KRT9: variants seen among roughly 807,000 people sequenced by gnomAD.
KRT9 encodes the protein keratin, type I cytoskeletal 9.
KRT9 carries 34 observed loss-of-function variants against 51.4 expected under a neutral mutation model. The ratio of observed to expected loss-of-function variants is 0.66; its 90% CI spans 0.50 to 0.88. KRT9 has a LOEUF of 0.88. Ranked by LOEUF, KRT9 falls within the 40% of genes least tolerant of loss-of-function variation. The probability of loss-of-function intolerance (pLI) is 0.00; values close to 1 mark genes in which losing one functional copy is unlikely to be tolerated. For missense variants in KRT9, 753 were observed against 790.3 expected (o/e 0.95, Z 0.57); for synonymous variants, 292 against 289.7 (o/e 1.01, Z -0.08).
rs778678852 is a variant in KRT9, at chr17:41,571,817, C to T, written c.176G>A (p.Arg59His). ...GCCACCGCCTCCCCTCCCACAGACA[C>T]GAGAGCTTCCCCCACCATAGCCACT... ...SSSGYGGGSS[R>H]VCGRGGGGSF... is the part of the protein sequence containing the mutation. The change falls in exon 1 of 8, where the codon CGT becomes CAT. Residue 59 changes from arginine to histidine, a missense_variant. Arg to His is a conservative substitution (Grantham distance 29). Coordinates refer to ENST00000246662, the MANE Select transcript of KRT9 (RefSeq NM_000226.4). 12 of 1,613,154 alleles carry T rather than the reference C, an allele frequency of 7.4e-6. No individual in the cohort carries two copies. Among genetic ancestry groups the T allele is most frequent in the African/African-American group, 4.0e-5 (3 of 74,836 alleles).
chr17:41,571,001 T>C (rs1466813374), intron 1 of KRT9, among the ~76,000 whole-genome samples: 11 of 152,122 alleles, frequency 7.2e-5, no homozygotes, highest in Non-Finnish European at 1.6e-4. Context: ...GATACACTCC[T>C]AAAGAAGCCC....
chr17:41,566,461 C>A (rs779561200), intron 7 of KRT9, among the ~76,000 whole-genome samples: 39 of 152,114 alleles, frequency 2.6e-4, no homozygotes, highest in Admixed American at 1.3e-3. Flanking sequence ...AAAGATGGCC[C>A]CAGCCTCACT....
chr17:41,568,325 T>C lies in KRT9; in HGVS notation c.1231A>G (p.Met411Val). ...TKNRYCGQLQMIQEQISNLEA... is the reference protein window; with the variant it reads ...TKNRYCGQLQVIQEQISNLEA... ...AAGTTACTGATCTGCTCCTGGATCA[T>C]CTGCAGCTGGCCACAGTAGCGGTTC... The change falls in exon 6 of 8, where the codon ATG becomes GTG. Residue 411 changes from methionine (M) to valine (V), a missense_variant. Met to Val is a conservative substitution (Grantham distance 21). Coordinates refer to ENST00000246662, the MANE Select transcript of KRT9 (RefSeq NM_000226.4). The C allele has an allele frequency of 3.7e-6, 6 of 1,614,200 alleles. No homozygotes were observed. Among genetic ancestry groups the C allele is most frequent in the Non-Finnish European group, 5.1e-6 (6 of 1,180,034 alleles).
At position 41,568,351 on chromosome 17, in the gene KRT9, T is replaced by A; in HGVS notation, c.1205A>T (p.Lys402Met). The A allele has an allele frequency of 8.1e-6, 13 of 1,614,196 alleles. No homozygotes were observed. Among genetic ancestry groups the A allele is most frequent in the Non-Finnish European group, 1.1e-5 (13 of 1,180,022 alleles). ...CTGCAGCTGGCCACAGTAGCGGTTC[T>A]TCGTGTCTTCCAAGCTCTTCTCCAG... ...AALEKSLEDT[K>M]NRYCGQLQMI... is the part of the protein sequence containing the mutation. Residue 402 changes from lysine (K) to methionine (M), a missense_variant, in exon 6 of 8, where the codon AAG (lysine) becomes ATG (methionine). Physicochemically the swap from Lys to Met is moderately conservative, Grantham distance 95. Around this residue, in one of 3 missense-constraint regions of KRT9, gnomAD observed 507 missense variants for 563.7 expected, o/e 0.90. Transcript: ENST00000246662.
rs1198519477 is a variant in KRT9, at chr17:41,567,640, C to T, written c.1505G>A (p.Ser502Asn). ...GSGGSYGGGGSGGGYGGGSGS... is the reference protein window; with the variant it reads ...GSGGSYGGGGNGGGYGGGSGS... ...ACTTCCTCCACCATAGCCACCTCCACTTCCTCCTCCACCATAGCTGCCTCC... is the reference window on the plus strand; with the variant it reads ...ACTTCCTCCACCATAGCCACCTCCATTTCCTCCTCCACCATAGCTGCCTCC... Residue 502 changes from serine to asparagine, a missense_variant, in exon 7 of 8, where the codon AGT becomes AAT. Physicochemically the swap from Ser to Asn is conservative, Grantham distance 46. Transcript: ENST00000246662. 2 of 1,596,294 alleles carry T rather than the reference C, an allele frequency of 1.3e-6. No individual in the cohort carries two copies. The highest frequency in any genetic ancestry group is 1.8e-5 in the Admixed American group (1 of 56,098).
chr17:41,569,437 A>G lies in KRT9; in HGVS notation c.1033T>C (p.Tyr345His). 1.9e-6 allele frequency: 3 copies of G among 1,614,064 alleles called. No individual in the cohort carries two copies. In the South Asian group the frequency reaches 3.3e-5, roughly 18 times the overall value. The change falls in exon 4 of 8, where the codon TAT (tyrosine) becomes CAT (histidine). Residue 345 changes from tyrosine to histidine, a missense_variant. Coordinates refer to ENST00000246662, the MANE Select transcript of KRT9 (RefSeq NM_000226.4). ...CCCACTCTGCTCACCTGAGTCTCATATTGATTCTCGATGTCCTTTCTGTTC... is the reference window on the plus strand; with the variant it reads ...CCCACTCTGCTCACCTGAGTCTCATGTTGATTCTCGATGTCCTTTCTGTTC... ...AKNRKDIENQ[Y>H]ETQITQIEHE...
In KRT9 at chr17:41,567,502, C is replaced by A. The variant is rs1482411587; in HGVS notation, c.1643G>T (p.Gly548Val). ...GCCCCCACTTCCTCCACTATGACCA[C>A]CTCCACTTCCTCCGCTATGGCCACC... ...SGGGHSGGSG[G>V]GHSGGSGGNY... The change falls in exon 7 of 8, where the codon GGT becomes GTT. Residue 548 changes from glycine to valine, a missense_variant. Transcript: ENST00000246662. 1 of 1,551,132 alleles carries A rather than the reference C, an allele frequency of 6.4e-7. No individual in the cohort carries two copies. Among genetic ancestry groups the A allele is most frequent in the African/African-American group, 1.4e-5 (1 of 72,746 alleles).
At chr17:41,570,043 A>T (rs1405209802) in intron 2 of KRT9, 28 bp from the exon 3 acceptor site, 2 of 1,614,172 alleles carry the variant, frequency 1.2e-6, no homozygotes, top group African/African-American at 2.7e-5. Flanking sequence ...TTAGAAAACA[A>T]TCAAGAGGGA....
At position 41,569,885 on chromosome 17, in the gene KRT9, T is replaced by A. The variant is rs941501212; in HGVS notation, c.856A>T (p.Met286Leu). The A allele has an allele frequency of 5.0e-6, 8 of 1,614,174 alleles. No individual in the cohort carries two copies. Among genetic ancestry groups the A allele is most frequent in the African/African-American group, 1.3e-5 (1 of 75,050 alleles). Residue 286 changes from methionine to leucine, a missense_variant, in exon 3 of 8, where the codon ATG becomes TTG. Around this residue, in one of 3 missense-constraint regions of KRT9, gnomAD observed 507 missense variants for 563.7 expected, o/e 0.90. Coordinates refer to ENST00000246662, the MANE Select transcript of KRT9 (RefSeq NM_000226.4). ...MQYETLQEEL[M>L]ALKKNHKEEM... Reference sequence around the variant, plus strand: ...TCCTTATGATTCTTCTTGAGGGCCATCAGCTCCTCCTGCAGAGTCTCATAC... The same window carrying A: ...TCCTTATGATTCTTCTTGAGGGCCAACAGCTCCTCCTGCAGAGTCTCATAC...
intron 4 of KRT9, 31 bp downstream of exon 4, chr17:41,569,395 G>T (rs771085318): frequency 6.2e-7 from 1 of 1,607,434 alleles, no homozygotes. Context: ...ATGGAGGGGA[G>T]GAGGATGAAT....
chr17:41,569,797 C>T (rs1907012639), intron 3 of KRT9, 62 bp downstream of exon 3: 8 of 1,601,034 alleles, frequency 5.0e-6, no homozygotes, highest in Middle Eastern at 3.3e-4. Context: ...CAAAGCTCCC[C>T]TGCTGTCTCT....
chr17:41,567,308 A>G lies in KRT9; in HGVS notation c.1837T>C (p.Tyr613His). The change falls in exon 7 of 8, where the codon TAC becomes CAC. Residue 613 changes from tyrosine to histidine, a missense_variant. Coordinates refer to ENST00000246662, the MANE Select transcript of KRT9 (RefSeq NM_000226.4). ...GATGATTTTCCGCTTCCTCCTCCGT[A>G]GCCGCCACCACTTCCACTCGCTTCT... ...GEEASGSGGG[Y>H]GGGSGKSSHS The G allele has an allele frequency of 6.2e-7, 1 of 1,614,068 alleles. No individual in the cohort carries two copies. Among genetic ancestry groups the G allele is most frequent in the Non-Finnish European group, 8.5e-7 (1 of 1,180,016 alleles).
chr17:41,569,978 C>A lies in KRT9; in HGVS notation c.763G>T (p.Ala255Ser), dbSNP rs1025907896. The A allele has an allele frequency of 5.6e-6, 9 of 1,614,122 alleles. No homozygotes were observed. Among genetic ancestry groups the A allele is most frequent in the Admixed American group, 3.3e-5 (2 of 60,016 alleles). Reference sequence around the variant, plus strand: ...ACCTGCCGCAGGCCATTGATGTCAGCATCCACTCCTTGCCGCAGGTTTTGC... The same window carrying A: ...ACCTGCCGCAGGCCATTGATGTCAGAATCCACTCCTTGCCGCAGGTTTTGC... ...MEQNLRQGVD[A>S]DINGLRQVLD... The change falls in exon 3 of 8, where the codon GCT (alanine) becomes TCT (serine). Residue 255 changes from alanine to serine, a missense_variant. Physicochemically the swap from Ala to Ser is moderately conservative, Grantham distance 99 (BLOSUM62 1). Coordinates refer to ENST00000246662, the MANE Select transcript of KRT9 (RefSeq NM_000226.4).
intron 3 of KRT9, 94 bp downstream of exon 3, chr17:41,569,765 G>T: frequency 6.5e-7 from 1 of 1,527,248 alleles, no homozygotes; most frequent in Non-Finnish European, 9.1e-7. Flanking sequence ...GCAAAGGAGA[G>T]GGTGTCTCCC....
At position 41,567,339 on chromosome 17, in the gene KRT9, G is replaced by A. The variant is rs779996817; in HGVS notation, c.1806C>T (p.Gly602=). The A allele has an allele frequency of 5.1e-5, 83 of 1,613,612 alleles. No homozygotes were observed. The highest frequency in any genetic ancestry group is 3.3e-4 in the Middle Eastern group (2 of 6,084). Residue 602 remains glycine (G), a synonymous_variant, in exon 7 of 8, where the codon GGC becomes GGT. Coordinates refer to ENST00000246662, the MANE Select transcript of KRT9 (RefSeq NM_000226.4). ...CACCACTTCCACTCGCTTCTTCACC[G>A]CCTCCGTAGCTGCCTCCACTTTCAC... ...FGGESGGSYG[G]GEEASGSGGG...
chr17:41,570,319 GA>G (rs1333935677), intron 1 of KRT9, 99 bp from the exon 2 acceptor site: 2 of 1,010,762 alleles, frequency 2.0e-6, no homozygotes, highest in Admixed American at 3.4e-5. Flanking sequence ...TTCCATCCAG[GA>G]AGATTCTCAA....
Position 41,571,375 on chromosome 17 carries a change from G to A in KRT9, c.618C>T (p.Asn206=), listed in dbSNP as rs1292526578. Residue 206 remains asparagine, a synonymous_variant, in exon 1 of 8, where the codon AAC becomes AAT. Transcript: ENST00000246662. ...AIQKNYSPYY[N]TIDDLKDQIV... ...CCTGGTCCTTGAGATCATCAATAGT[G>A]TTATAATAAGGGGAGTAGTTCTTCT... 5 of 1,613,944 alleles carry A rather than the reference G, an allele frequency of 3.1e-6. No individual in the cohort carries two copies. Among genetic ancestry groups the A allele is most frequent in the Non-Finnish European group, 4.2e-6 (5 of 1,179,916 alleles).
rs1355171152 is a variant in KRT9 at position 41,571,747 on chromosome 17, A to C, written c.246T>G (p.Ser82Arg). ...CAAAGCCACCGCCTAAACTACTGGC[A>C]CTAAAACCACCCCCAGATCCTCCGC... Reference protein sequence around the residue: ...SYGGGSGGGFSASSLGGGFGG... With the variant: ...SYGGGSGGGFRASSLGGGFGG... The change falls in exon 1 of 8, where the codon AGT (serine) becomes AGG (arginine). Residue 82 changes from serine to arginine, a missense_variant. By Grantham distance (110) the Ser-to-Arg change is moderately radical (BLOSUM62 -1). This residue lies in a region of KRT9 where 241 missense variants were observed against 210.3 expected (regional missense o/e 1.15). Transcript: ENST00000246662. The C allele has an allele frequency of 1.9e-6, 3 of 1,613,400 alleles. No individual in the cohort carries two copies. The highest frequency in any genetic ancestry group is 3.3e-5 in the Admixed American group (2 of 59,928).
chr17:41,571,465 C>A lies in KRT9; in HGVS notation c.528G>T (p.Glu176Asp), dbSNP rs752150356. 1.2e-6 allele frequency: 2 copies of A among 1,614,012 alleles called. No homozygotes were observed. Among genetic ancestry groups the A allele is most frequent in the Admixed American group, 1.7e-5 (1 of 60,006 alleles). ...SYLDKVQALE[E>D]ANNDLENKIQ... is the part of the protein sequence containing the mutation. ...TCTTATTCTCCAGGTCGTTGTTGGC[C>A]TCCTCTAGAGCCTGCACCTTATCCA... The change falls in exon 1 of 8, where the codon GAG becomes GAT. Residue 176 changes from glutamate (E) to aspartate (D), a missense_variant. Around this residue, in one of 3 missense-constraint regions of KRT9, gnomAD observed 507 missense variants for 563.7 expected, o/e 0.90. Coordinates refer to ENST00000246662, the MANE Select transcript of KRT9 (RefSeq NM_000226.4).
Sources: gnomAD v4.1 joint callset for allele counts (sites outside exome capture counted in the v4.1 genomes callset) on GRCh38, gnomAD v4.1.1 for gene constraint, gnomAD v4.1.1 regional missense constraint, MANE v1.5 for transcripts, NCBI Gene and HGNC (gene_info 2026-07-23, HGNC 2026-07-21) for gene names.